The following ARSL variants were observed in gnomAD, a reference collection of about 807,000 sequenced individuals.
ARSL encodes arylsulfatase E (chondrodysplasia punctata 1).
ARSL carries 4 observed loss-of-function variants against 31.1 expected under a neutral mutation model. That is an observed-to-expected ratio of 0.13 (90% confidence interval 0.06 to 0.29). The LOEUF is 0.29. Among genes scored for constraint, ARSL ranks in the 10% least tolerant of loss-of-function variants. The pLI is 1.00. For synonymous variants in ARSL, 198 were observed against 209.9 expected, an observed-to-expected ratio of 0.94 and a Z score of 0.49; for missense variants, 312 against 497.8, an observed-to-expected ratio of 0.63 and a Z score of 3.55.
At chrX:2,964,980 C>G (rs5982946), upstream of ARSL, among the ~76,000 whole-genome samples, 1,423 of 109,505 alleles carry the variant, frequency 0.013, 18 homozygotes, top group African/African-American at 0.046. Context: ...TGGCATGTGT[C>G]TCTACTGCCA....
chrX:2,949,508 G>A lies in ARSL; in HGVS notation c.650C>T (p.Thr217Ile), dbSNP rs757678470. 6.6e-6 allele frequency: 8 copies of A among 1,208,994 alleles called. No homozygotes were observed. The highest frequency in any genetic ancestry group is 3.0e-5 in the East Asian group (1 of 33,732). The change falls in exon 6 of 11, where the codon ACA becomes ATA. Residue 217 changes from threonine to isoleucine, a missense_variant. Coordinates refer to ENST00000381134, the MANE Select transcript of ARSL (RefSeq NM_000047.3). The part of the protein sequence containing the change: ...VALTLVAGKL[T>I]HLIPVSWMPV... ...CATCCACGAGACGGGTATCAGGTGT[G>A]TGAGCTTCCCTGCTACCAGTGTGAG...
Position 2,938,198 on chromosome X carries a change from G to A in ARSL, c.1186C>T (p.Pro396Ser), listed in dbSNP as rs1444014522. 2 of 1,212,165 alleles carry A rather than the reference G, an allele frequency of 1.6e-6. No homozygotes were observed. Among genetic ancestry groups the A allele is most frequent in the Non-Finnish European group, 2.2e-6 (2 of 895,639 alleles). The change falls in exon 9 of 11, where the codon CCC (proline) becomes TCC (serine). Residue 396 changes from proline (P) to serine (S), a missense_variant. Transcript: ENST00000381134. ...ACTCGGCCGGCCGGGAGCACCCCGG[G>A]CCAGCGGAAGATCCCGGGCACGCGG... ...GIRVPGIFRW[P>S]GVLPAGRVIG...
intron 1 of ARSL, among the ~76,000 whole-genome samples, chrX:2,960,629 T>C (rs1401832793): frequency 8.9e-6 from 1 of 112,018 alleles, no homozygotes; most frequent in African/African-American, 3.2e-5. Context: ...GTTAAGAATG[T>C]AAAACGTGTT....
intron 2 of ARSL, chrX:2,959,500 T>G (rs1382123368): frequency 2.0e-6 from 2 of 1,003,074 alleles, no homozygotes; most frequent in East Asian, 6.9e-5. Flanking sequence ...CCCAGTGGGA[T>G]GCAGTAAAGA....
rs1268440586 is a variant in ARSL at position 2,958,260 on chromosome X, T to C, written c.185+14A>G. The C allele has an allele frequency of 8.3e-7, 1 of 1,211,033 alleles. No individual in the cohort carries two copies. The highest frequency in any genetic ancestry group is 1.1e-6 in the Non-Finnish European group (1 of 895,174). ...GCATTGGGGGCACCAGGTGAGTAAT[T>C]CTCTGTCCCTTGCCTCATGGTGTTG... On this transcript the variant is annotated intron_variant, in intron 3 of 10. Transcript: ENST00000381134.
At position 2,936,797 on chromosome X, in the gene ARSL, G is replaced by A; in HGVS notation, c.1356C>T (p.Phe452=). ...LGTAQHSDHE[F]LMHYCERFLH... is the part of the protein sequence containing the mutation. ...GAAACCTCTCACAATAATGCATCAG[G>A]AACTCGTGGTCTGAGTGTTGGGCTG... The change falls in exon 10 of 11, where the codon TTC becomes TTT. Residue 452 remains phenylalanine (F), a synonymous_variant. Transcript: ENST00000381134. The A allele has an allele frequency of 8.3e-7, 1 of 1,211,500 alleles. No individual in the cohort carries two copies. The highest frequency in any genetic ancestry group is 1.7e-5 in the African/African-American group (1 of 57,767).
At chrX:2,951,706 T>G (rs2089464702) in intron 5 of ARSL, among the ~76,000 whole-genome samples, 1 of 100,460 alleles carries the variant, frequency 1.0e-5, no homozygotes, top group Admixed American at 1.1e-4. Flanking sequence ...GAGACTAAGG[T>G]GGGAGGATCA....
chrX:2,958,476 A>T, intron 2 of ARSL, 41 bp from the exon 3 acceptor site: 3 of 1,200,538 alleles, frequency 2.5e-6, no homozygotes, highest in Non-Finnish European at 3.4e-6. Context: ...TCTCATTTGC[A>T]GAACTTGTGT....
chrX:2,960,397 A>G lies in ARSL; in HGVS notation c.4T>C (p.Leu2=), dbSNP rs750490629. The G allele has an allele frequency of 3.6e-5, 43 of 1,198,276 alleles. No individual in the cohort carries two copies. The highest frequency in any genetic ancestry group is 5.6e-6 in the Non-Finnish European group (5 of 887,255). ...TCTTACCAAGAATGGTGCAGATGTA[A>G]CATGTTGTCTCTCTCTCTACTTCCT... M[L]HLHHSCLCFR... The change falls in exon 2 of 11, where the codon TTA becomes CTA. Residue 2 remains leucine, a synonymous_variant. Coordinates refer to ENST00000381134, the MANE Select transcript of ARSL (RefSeq NM_000047.3).
At chrX:2,942,354 C>T (rs1195202496) in intron 8 of ARSL, among the ~76,000 whole-genome samples, 1 of 111,151 alleles carries the variant, frequency 9.0e-6, no homozygotes, top group Admixed American at 9.6e-5. Flanking sequence ...TGCAGTGGCG[C>T]GATCTCAGCT....
At chrX:2,966,938 T>C (rs187368179), upstream of ARSL, among the ~76,000 whole-genome samples, 13 of 111,003 alleles carry the variant, frequency 1.2e-4, no homozygotes, top group Non-Finnish European at 2.1e-4. Flanking sequence ...TATATATACA[T>C]ACATATATGT....
upstream of ARSL, among the ~76,000 whole-genome samples, chrX:2,967,224 G>T (rs1489075688): frequency 9.0e-6 from 1 of 111,369 alleles, no homozygotes; most frequent in East Asian, 2.8e-4. Context: ...AAACATGTTT[G>T]AACAGTCATA....
At chrX:2,942,395 G>T (rs187702925) in intron 8 of ARSL, among the ~76,000 whole-genome samples, 1,234 of 111,451 alleles carry the variant, frequency 0.011, 20 homozygotes, top group African/African-American at 0.038. Flanking sequence ...AGGTTCAAGC[G>T]ATTCTTCTGC....
intron 1 of ARSL, among the ~76,000 whole-genome samples, chrX:2,963,533 CTT>C (rs769134287): frequency 0.021 from 1,248 of 59,681 alleles, 13 homozygotes; most frequent in African/African-American, 0.09. Flanking sequence ...TTTTCTTTTC[CTT>C]TTTTTTTTTT....
chrX:2,938,338 G>A (rs2089232941), intron 8 of ARSL, 81 bp from the exon 9 acceptor site: 1 of 1,128,807 alleles, frequency 8.9e-7, no homozygotes, highest in Non-Finnish European at 1.2e-6. Context: ...TTTTCTGCTT[G>A]TTTCACTTGT....
At chrX:2,966,144 T>A (rs1208642144), upstream of ARSL, among the ~76,000 whole-genome samples, 1 of 111,906 alleles carries the variant, frequency 8.9e-6, no homozygotes, top group Non-Finnish European at 1.9e-5. Flanking sequence ...CACTTCCTCC[T>A]TATGTGGGGG....
intron 1 of ARSL, among the ~76,000 whole-genome samples, chrX:2,962,227 G>T (rs1453188234): frequency 9.0e-6 from 1 of 111,603 alleles, no homozygotes; most frequent in Non-Finnish European, 1.9e-5. Flanking sequence ...CCTCCTGAGG[G>T]CTGTGTCATG....
intron 8 of ARSL, among the ~76,000 whole-genome samples, chrX:2,941,101 G>A (rs181289791): frequency 1.0e-3 from 113 of 110,569 alleles, no homozygotes; most frequent in African/African-American, 3.7e-3. Flanking sequence ...GACAGGAAGC[G>A]GGAGTCGAAC....
chrX:2,944,209 A>ACAGTGC (rs2089326908), intron 7 of ARSL, among the ~76,000 whole-genome samples: 1 of 109,094 alleles, frequency 9.2e-6, no homozygotes, highest in Non-Finnish European at 1.9e-5. Flanking sequence ...TAATCCCAGC[A>ACAGTGC]CTTTGGGAGG....
Sources: gnomAD v4.1 joint callset for allele counts (sites outside exome capture counted in the v4.1 genomes callset) on GRCh38, gnomAD v4.1.1 for gene constraint, MANE v1.5 for transcripts, NCBI Gene and HGNC (gene_info 2026-07-23, HGNC 2026-07-21) for gene names.